XPO5: variants seen among roughly 807,000 people sequenced by gnomAD.
XPO5 encodes exportin 5.
A neutral mutation model predicts 160.6 loss-of-function variants in XPO5; 46 were observed. The observed-to-expected ratio is 0.29, with a 90% CI of 0.23 to 0.37. The LOEUF (loss-of-function observed/expected upper bound fraction) is 0.37. Among genes scored for constraint, XPO5 ranks in the 10% least tolerant of loss-of-function variants. The pLI, the probability that XPO5 is intolerant of heterozygous loss-of-function variation, is 1.00. For synonymous variants in XPO5, 537 were observed against 519.3 expected (o/e 1.03, Z -0.46); for missense variants, 1,090 against 1,463.9 (o/e 0.74, Z 4.17).
At position 43,570,852 on chromosome 6, in the gene XPO5, C is replaced by CAT. The variant is rs748944186; in HGVS notation, c.438+3_438+4dup. 6.2e-7 allele frequency: 1 copy of CAT among 1,608,104 alleles called. No homozygotes were observed. The highest frequency in any genetic ancestry group is 1.1e-5 in the South Asian group (1 of 89,556). The stretch of plus-strand genomic sequence containing the variant: ...ATACCAAACTGATATAGCTGTGTTT[C>CAT]ATACCCCTTGTTTGGAAAGAGTGTC... On this transcript the variant is annotated splice_donor_region_variant and intron_variant, in intron 4 of 31. Transcript: ENST00000265351.
rs1156884252 is a variant in XPO5 at position 43,536,758 on chromosome 6, T to TAAAAAAAAAAAA, written c.2343-2763_2343-2752dup. Among the ~76,000 whole-genome samples, 14 of 19,100 alleles carry TAAAAAAAAAAAA rather than the reference T, an allele frequency of 7.3e-4. 2 individuals carry two copies. Among genetic ancestry groups the TAAAAAAAAAAAA allele is most frequent in the African/African-American group, 1.7e-3 (7 of 4,094 alleles). 12.5% of individuals were successfully genotyped at this position (19,100 alleles called of 152,430 possible). ...CTGGACGACAGAGTGAGACTCTATC[T>TAAAAAAAAAAAA]AAAAAAAAAAAAAAAAAAAAAAAAA... On this transcript the variant is annotated intron_variant, in intron 20 of 31. Coordinates refer to ENST00000265351, the MANE Select transcript of XPO5 (RefSeq NM_020750.3).
rs1403223030 is a variant in XPO5 at position 43,531,499 on chromosome 6, G to A, written c.2520C>T (p.Phe840=). The A allele has an allele frequency of 1.2e-6, 2 of 1,613,924 alleles. No individual in the cohort carries two copies. The highest frequency in any genetic ancestry group is 2.2e-5 in the East Asian group (1 of 44,886). ...KTVLERMQRF[F]STLYENCFHI... ...CTTACCAGTTTTCATAGAGGGTAGA[G>A]AAGAAACGCTGCATTCTTTCCAAGA... The change falls in exon 22 of 32, where the codon TTC becomes TTT. Residue 840 remains phenylalanine (F), a synonymous_variant. Transcript: ENST00000265351.
intron 21 of XPO5, among the ~76,000 whole-genome samples, chr6:43,531,906 T>C (rs1794009577): frequency 6.6e-6 from 1 of 152,206 alleles, no homozygotes; most frequent in Non-Finnish European, 1.5e-5. Context: ...AAACCCCTTT[T>C]TTAAGCAAAA....
intron 8 of XPO5, among the ~76,000 whole-genome samples, chr6:43,564,962 GC>G (rs1389396908): frequency 6.9e-6 from 1 of 144,144 alleles, no homozygotes; most frequent in Non-Finnish European, 1.5e-5. Context: ...TCACTTTGTT[GC>G]CCAGTCTGGA....
intron 8 of XPO5, among the ~76,000 whole-genome samples, chr6:43,564,078 C>T (rs1396842144): frequency 6.6e-6 from 1 of 152,094 alleles, no homozygotes; most frequent in African/African-American, 2.4e-5. Context: ...TGCACCACCA[C>T]GCCCGGCTAA....
intron 10 of XPO5, 100 bp from the exon 11 acceptor site, chr6:43,560,403 T>A (rs1180114614): frequency 2.9e-6 from 4 of 1,392,950 alleles, no homozygotes; most frequent in Non-Finnish European, 3.8e-6. Context: ...TAGAAATAAA[T>A]CTGTACAATA....
At chr6:43,540,929 A>T (rs1032227969) in intron 20 of XPO5, among the ~76,000 whole-genome samples, 1 of 152,230 alleles carries the variant, frequency 6.6e-6, no homozygotes, top group Admixed American at 6.5e-5. Flanking sequence ...ATAAAAAAAA[A>T]AAGAGATCTT....
chr6:43,551,237 A>G, intron 15 of XPO5, 61 bp downstream of exon 15: 1 of 1,472,862 alleles, frequency 6.8e-7, no homozygotes, highest in Non-Finnish European at 9.0e-7. Flanking sequence ...AAAAAATAAA[A>G]TAAATAAAAA....
rs192222709 is a variant in XPO5 at position 43,543,969 on chromosome 6, G to A, written c.2342+2602C>T. ...TGGGATTATAGGCATGAGCTACCGC[G>A]CCCAGCCAATAAAATTTACTAAAAA... On this transcript the variant is annotated intron_variant, in intron 20 of 31. Coordinates refer to ENST00000265351, the MANE Select transcript of XPO5 (RefSeq NM_020750.3). Among the ~76,000 whole-genome samples, 10 of 152,164 alleles carry A rather than the reference G, an allele frequency of 6.6e-5. No individual in the cohort carries two copies. In the East Asian group the frequency reaches 7.7e-4, roughly 12 times the overall value.
At chr6:43,545,685 GTGA>G (rs1794930474) in intron 20 of XPO5, among the ~76,000 whole-genome samples, 1 of 151,680 alleles carries the variant, frequency 6.6e-6, no homozygotes, top group African/African-American at 2.4e-5. Flanking sequence ...CCCAGCCTGG[GTGA>G]CAAAGTGAGA....
chr6:43,557,522 T>A (rs1280962131), intron 12 of XPO5, among the ~76,000 whole-genome samples: 1 of 152,108 alleles, frequency 6.6e-6, no homozygotes, highest in Non-Finnish European at 1.5e-5. Flanking sequence ...AGACCATGTA[T>A]GATTCAATTT....
Position 43,551,311 on chromosome 6 carries a change from T to C in XPO5, c.1715A>G (p.Gln572Arg). ...TGGGCTTTATACCTTAGAGAAGACC[T>C]GGGGCAGGAACTCTGGTCTGTAGGT... Reference protein sequence around the residue: ...FVTYRPEFLPQVFSKLFSSVT... With the variant: ...FVTYRPEFLPRVFSKLFSSVT... Residue 572 changes from glutamine (Q) to arginine (R), a missense_variant, in exon 15 of 32, where the codon CAG (glutamine) becomes CGG (arginine). Gln to Arg is a conservative substitution (Grantham distance 43). Coordinates refer to ENST00000265351, the MANE Select transcript of XPO5 (RefSeq NM_020750.3). The C allele has an allele frequency of 6.2e-7, 1 of 1,612,322 alleles. No homozygotes were observed. The highest frequency in any genetic ancestry group is 8.5e-7 in the Non-Finnish European group (1 of 1,179,212).
intron 20 of XPO5, chr6:43,539,550 C>A: frequency 7.2e-7 from 1 of 1,397,092 alleles, no homozygotes. Flanking sequence ...GCCTTGCCTC[C>A]GCGAGCTCCG....
At chr6:43,549,794 T>C (rs1795141434) in intron 16 of XPO5, 99 bp downstream of exon 16, 2 of 1,330,044 alleles carry the variant, frequency 1.5e-6, no homozygotes, top group East Asian at 2.5e-5. Flanking sequence ...CCACCCTTAC[T>C]ACCCCCTCCC....
At chr6:43,552,195 T>C (rs1480212795) in intron 14 of XPO5, among the ~76,000 whole-genome samples, 1 of 152,038 alleles carries the variant, frequency 6.6e-6, no homozygotes, top group African/African-American at 2.4e-5. Flanking sequence ...GTAGCTGGGA[T>C]TACAGGCACC....
chr6:43,530,134 G>A (rs751845648), intron 23 of XPO5, among the ~76,000 whole-genome samples: 1 of 152,102 alleles, frequency 6.6e-6, no homozygotes, highest in Non-Finnish European at 1.5e-5. Context: ...GCATGCGCCT[G>A]TAATCCCAGC....
chr6:43,523,923 T>C lies in XPO5; in HGVS notation c.3560A>G (p.Glu1187Gly), dbSNP rs1395416585. 1.2e-6 allele frequency: 2 copies of C among 1,613,936 alleles called. No individual in the cohort carries two copies. The highest frequency in any genetic ancestry group is 1.6e-4 in the Middle Eastern group (1 of 6,084). Residue 1187 changes from glutamate to glycine, a missense_variant, in exon 32 of 32, where the codon GAG (glutamate) becomes GGG (glycine). Glu to Gly is a moderately conservative substitution (Grantham distance 98). Around this residue, in one of 3 missense-constraint regions of XPO5, gnomAD observed 810 missense variants for 1,139.0 expected, o/e 0.71. Coordinates refer to ENST00000265351, the MANE Select transcript of XPO5 (RefSeq NM_020750.3). ...SLFKKTKPML[E>G]TEVLDNDGGG... ...CCCATCATTGTCCAGCACCTCCGTC[T>C]CCAGCATTGGCTTTGTTTTTTTGAA... is the stretch of plus-strand genomic sequence containing the variant.
rs757879243 is a variant in XPO5 at position 43,565,646 on chromosome 6, G to T, written c.911+14C>A. ...AAGAAATTAGAAAACACACTGAAAA[G>T]TAAAGATACTCACTGTGCGGCGGAG... is the stretch of plus-strand genomic sequence containing the variant. On this transcript the variant is annotated intron_variant, in intron 8 of 31. Coordinates refer to ENST00000265351, the MANE Select transcript of XPO5 (RefSeq NM_020750.3). The T allele has an allele frequency of 6.4e-7, 1 of 1,573,842 alleles. No individual in the cohort carries two copies. Among genetic ancestry groups the T allele is most frequent in the South Asian group, 1.2e-5 (1 of 83,730 alleles).
chr6:43,524,788 G>A, intron 30 of XPO5, 43 bp downstream of exon 30: 3 of 1,609,814 alleles, frequency 1.9e-6, no homozygotes, highest in Non-Finnish European at 2.5e-6. Flanking sequence ...CAGACTGAGT[G>A]ATGAAGCTGC....
Sources: allele counts gnomAD v4.1 joint callset (sites outside exome capture counted in the v4.1 genomes callset), GRCh38; gene constraint gnomAD v4.1.1; regional missense constraint gnomAD v4.1.1; transcripts MANE v1.5; gene names NCBI Gene and HGNC (gene_info 2026-07-23, HGNC 2026-07-21).